The following VAV3 variants were observed in gnomAD, a reference collection of about 807,000 sequenced individuals.
VAV3 encodes vav guanine nucleotide exchange factor 3, also known as guanine nucleotide exchange factor VAV3.
In VAV3, 94 loss-of-function variants were observed where a neutral mutation model predicts 131.2. The ratio of observed to expected loss-of-function variants is 0.72; its 90% CI spans 0.61 to 0.85. The LOEUF is 0.85. VAV3 is among the 40% of genes least tolerant of loss of function. The pLI, the probability that VAV3 is intolerant of heterozygous loss-of-function variation, is 0.00. For missense variants in VAV3, 939 were observed against 1,002.7 expected (o/e 0.94, Z 0.86); for synonymous variants, 349 against 342.0 (o/e 1.02, Z -0.22).
At chr1:107,650,975 T>C (rs1027358879) in intron 19 of VAV3, among the ~76,000 whole-genome samples, 1 of 152,022 alleles carries the variant, frequency 6.6e-6, no homozygotes, top group African/African-American at 2.4e-5. Flanking sequence ...GATGAGTTCA[T>C]GTCCTTTGTA....
At chr1:107,871,316 C>T (rs1003502593) in intron 2 of VAV3, among the ~76,000 whole-genome samples, 18 of 151,912 alleles carry the variant, frequency 1.2e-4, no homozygotes, top group Admixed American at 1.1e-3. Context: ...CATAAACCCT[C>T]AACGTCCCCC....
intron 12 of VAV3, among the ~76,000 whole-genome samples, chr1:107,753,135 A>T (rs1265832104): frequency 6.6e-6 from 1 of 152,194 alleles, no homozygotes; most frequent in Non-Finnish European, 1.5e-5. Context: ...AATCAAAAAA[A>T]TAAAATGTTG....
chr1:107,773,145 G>A (rs1665146599), intron 4 of VAV3, among the ~76,000 whole-genome samples: 1 of 152,148 alleles, frequency 6.6e-6, no homozygotes. Context: ...GATCAGGTGT[G>A]CATTATTATT....
At chr1:107,609,282 C>G (rs943205268) in intron 22 of VAV3, 1 of 151,956 alleles carries the variant, frequency 6.6e-6, no homozygotes, top group Non-Finnish European at 1.5e-5. Flanking sequence ...AATTACTATC[C>G]ATTACACTTC....
At chr1:107,896,319 C>T (rs1671571538) in intron 1 of VAV3, among the ~76,000 whole-genome samples, 1 of 152,134 alleles carries the variant, frequency 6.6e-6, no homozygotes, top group East Asian at 1.9e-4. Context: ...TGCCTCTCCC[C>T]ATCCCCACCC....
intron 24 of VAV3, among the ~76,000 whole-genome samples, chr1:107,598,390 C>A (rs1167885225): frequency 5.3e-5 from 8 of 151,990 alleles, no homozygotes; most frequent in African/African-American, 1.2e-4. Context: ...AAAAAACACA[C>A]ACACAAAAAA....
intron 2 of VAV3, among the ~76,000 whole-genome samples, chr1:107,828,301 T>C (rs1557870177): frequency 1.3e-5 from 2 of 152,126 alleles, no homozygotes; most frequent in African/African-American, 4.8e-5. Flanking sequence ...ACTTACCACC[T>C]GAAAAAAGAC....
intron 1 of VAV3, among the ~76,000 whole-genome samples, chr1:107,938,424 G>T (rs778276770): frequency 6.6e-6 from 1 of 152,122 alleles, no homozygotes; most frequent in Non-Finnish European, 1.5e-5. Context: ...GGGTTTTTTG[G>T]GGGGCTAGGG....
At chr1:107,686,932 T>C (rs1290830764) in intron 18 of VAV3, among the ~76,000 whole-genome samples, 1 of 152,092 alleles carries the variant, frequency 6.6e-6, no homozygotes, top group Admixed American at 6.6e-5. Flanking sequence ...AAATAATATA[T>C]ATATCTAAAA....
Position 107,891,657 on chromosome 1 carries a change from G to A in VAV3, c.205-16640C>T, listed in dbSNP as rs1436301970. Among the ~76,000 whole-genome samples, 35 of 151,902 alleles carry A rather than the reference G, an allele frequency of 2.3e-4. 1 individual carries two copies. Among genetic ancestry groups the A allele is most frequent in the Non-Finnish European group, 4.4e-5 (3 of 67,968 alleles). ...AGTTCAAGACCAGCCTGGCCAACAT[G>A]GTGAAACCCCGTCTCTACTAAAAAT... On this transcript the variant is annotated intron_variant, in intron 1 of 26. Transcript: ENST00000370056.
At chr1:107,764,134 A>G (rs1336080390) in intron 9 of VAV3, among the ~76,000 whole-genome samples, 1 of 152,162 alleles carries the variant, frequency 6.6e-6, no homozygotes, top group Non-Finnish European at 1.5e-5. Context: ...GTACAAAAAA[A>G]CACGACTTAA....
At chr1:107,758,885 C>T (rs147458924) in intron 10 of VAV3, among the ~76,000 whole-genome samples, 91 of 152,176 alleles carry the variant, frequency 6.0e-4, no homozygotes, top group Non-Finnish European at 1.2e-3. Context: ...ATATCTAATC[C>T]CATTAGAAAT....
intron 1 of VAV3, among the ~76,000 whole-genome samples, chr1:107,895,122 G>GA (rs912134059): frequency 8.1e-5 from 12 of 147,772 alleles, no homozygotes; most frequent in East Asian, 7.9e-4. Context: ...GGACGAAGAG[G>GA]AAAAAAAAAA....
At chr1:107,771,405 G>A (rs79299414) in intron 5 of VAV3, among the ~76,000 whole-genome samples, 12,177 of 151,976 alleles carry the variant, frequency 0.08, 789 homozygotes, top group East Asian at 0.28. Flanking sequence ...GGTGCCCGCC[G>A]CCACGCCCAG....
intron 21 of VAV3, 44 bp downstream of exon 21, chr1:107,617,522 CA>C: frequency 6.4e-7 from 1 of 1,562,358 alleles, no homozygotes; most frequent in Non-Finnish European, 8.7e-7. Context: ...ATCACAGGAT[CA>C]AAAACAAAAT....
intron 25 of VAV3, among the ~76,000 whole-genome samples, chr1:107,586,298 C>A (rs1650489412): frequency 1.3e-5 from 2 of 152,160 alleles, no homozygotes; most frequent in Admixed American, 1.3e-4. Context: ...TTTAACAGTG[C>A]CTGCCCTGAA....
At chr1:107,824,826 T>C (rs1216678262) in intron 2 of VAV3, among the ~76,000 whole-genome samples, 3 of 151,988 alleles carry the variant, frequency 2.0e-5, no homozygotes, top group Non-Finnish European at 4.4e-5. Flanking sequence ...CAGAATCTTA[T>C]TAAGAATTAG....
rs138215394 is a variant in VAV3, at chr1:107,809,034, G to A, written c.322-29542C>T. ...TTCTAAACTATTCACAAGGCTGAGC[G>A]CAACCTGCCCAAAAGGAAGGGTATT... On this transcript the variant is annotated intron_variant, in intron 2 of 26. Coordinates refer to ENST00000370056, the MANE Select transcript of VAV3 (RefSeq NM_006113.5). Among the ~76,000 whole-genome samples, 1,092 of 152,204 alleles carry A rather than the reference G, an allele frequency of 7.2e-3. 12 individuals are homozygous for A. The highest frequency in any genetic ancestry group is 0.025 in the African/African-American group (1,031 of 41,518).
intron 9 of VAV3, among the ~76,000 whole-genome samples, chr1:107,763,347 C>T (rs1289057903): frequency 6.6e-6 from 1 of 152,066 alleles, no homozygotes; most frequent in African/African-American, 2.4e-5. Context: ...GGTCATTGGG[C>T]AAAACTTTGA....
Sources: gnomAD v4.1 joint callset for allele counts (sites outside exome capture counted in the v4.1 genomes callset) on GRCh38, gnomAD v4.1.1 for gene constraint, MANE v1.5 for transcripts, NCBI Gene and HGNC (gene_info 2026-07-23, HGNC 2026-07-21) for gene names.